LDLRAD3: variants seen among roughly 807,000 people sequenced by gnomAD.
The protein encoded by LDLRAD3 is low density lipoprotein receptor class A domain containing 3, also known as low-density lipoprotein receptor class A domain-containing protein 3.
LDLRAD3 carries 20 observed loss-of-function variants against 29.4 expected under a neutral mutation model. The observed-to-expected ratio is 0.68, with a 90% CI of 0.48 to 0.99. The LOEUF (loss-of-function observed/expected upper bound fraction) is 0.99. Ranked by LOEUF, LDLRAD3 falls within the 50% of genes least tolerant of loss-of-function variation. The pLI is 0.00. For synonymous variants in LDLRAD3, 157 were observed against 192.7 expected, an observed-to-expected ratio of 0.81 and a Z score of 1.53; for missense variants, 420 against 454.3, an observed-to-expected ratio of 0.92 and a Z score of 0.69.
intron 4 of LDLRAD3, among the ~76,000 whole-genome samples, chr11:36,139,768 A>G (rs1854053808): frequency 6.6e-6 from 1 of 152,094 alleles, no homozygotes; most frequent in African/African-American, 2.4e-5. Context: ...TCTCCAGGAG[A>G]CGAGGGTGAA....
intron 4 of LDLRAD3, among the ~76,000 whole-genome samples, chr11:36,188,880 T>C (rs1305983051): frequency 6.6e-6 from 1 of 152,056 alleles, no homozygotes; most frequent in Admixed American, 6.6e-5. Flanking sequence ...TTTATAAAAG[T>C]CTTCTTTGGG....
chr11:36,109,382 A>G (rs1853575806), intron 4 of LDLRAD3, among the ~76,000 whole-genome samples: 1 of 151,452 alleles, frequency 6.6e-6, no homozygotes, highest in Non-Finnish European at 1.5e-5. Context: ...CAGTGGGAAC[A>G]TATGGGGGAT....
At chr11:36,164,339 C>T (rs1370448729) in intron 4 of LDLRAD3, among the ~76,000 whole-genome samples, 2 of 152,220 alleles carry the variant, frequency 1.3e-5, no homozygotes, top group Non-Finnish European at 2.9e-5. Context: ...GAGTCAGCCA[C>T]TTAGAACATT....
At chr11:36,168,618 T>C (rs910495511) in intron 4 of LDLRAD3, among the ~76,000 whole-genome samples, 3 of 150,758 alleles carry the variant, frequency 2.0e-5, no homozygotes, top group Non-Finnish European at 4.4e-5. Context: ...TTGTGATCAA[T>C]AGGGTAGCCT....
intron 4 of LDLRAD3, among the ~76,000 whole-genome samples, chr11:36,143,928 C>T (rs1207310880): frequency 3.2e-5 from 4 of 125,968 alleles, no homozygotes; most frequent in Admixed American, 1.6e-4. Context: ...CTCTCCCCCT[C>T]CCCCTCCCCC....
chr11:35,996,967 A>G (rs548574012), intron 1 of LDLRAD3, among the ~76,000 whole-genome samples: 40 of 152,270 alleles, frequency 2.6e-4, no homozygotes, highest in Non-Finnish European at 2.2e-4. Flanking sequence ...CTTTGGGAAT[A>G]TAGTGTCTGC....
At chr11:36,042,211 A>G (rs1477034490) in intron 2 of LDLRAD3, among the ~76,000 whole-genome samples, 1 of 152,032 alleles carries the variant, frequency 6.6e-6, no homozygotes, top group Non-Finnish European at 1.5e-5. Flanking sequence ...GTGGTGCCAC[A>G]TATATTTTCT....
intron 1 of LDLRAD3, among the ~76,000 whole-genome samples, chr11:35,984,631 TTTTG>T (rs540050231): frequency 5.9e-5 from 9 of 152,228 alleles, no homozygotes; most frequent in African/African-American, 2.2e-4. Context: ...TCATTGTTCT[TTTTG>T]TTTGTTTGTT....
At chr11:36,180,194 A>G (rs754028117) in intron 4 of LDLRAD3, among the ~76,000 whole-genome samples, 26 of 152,018 alleles carry the variant, frequency 1.7e-4, no homozygotes, top group African/African-American at 6.0e-4. Flanking sequence ...GGTCTCTTCC[A>G]TCCTAAGTCA....
rs554107428 is a variant in LDLRAD3, at chr11:36,189,500, A to G, written c.455-37585A>G. Among the ~76,000 whole-genome samples, 5 of 152,062 alleles carry G rather than the reference A, an allele frequency of 3.3e-5. No individual in the cohort carries two copies. In the South Asian group the frequency reaches 1.0e-3, roughly 32 times the overall value. On this transcript the variant is annotated intron_variant, in intron 4 of 5. Coordinates refer to ENST00000315571, the MANE Select transcript of LDLRAD3 (RefSeq NM_174902.4). The stretch of plus-strand genomic sequence containing the variant: ...CTCCATCTCAAAAAATGAAGAAGAA[A>G]AAAAAAACCCTTGTCCTTTAGCTAT...
intron 4 of LDLRAD3, among the ~76,000 whole-genome samples, chr11:36,178,626 C>T (rs1481357116): frequency 6.6e-6 from 1 of 152,146 alleles, no homozygotes; most frequent in Non-Finnish European, 1.5e-5. Context: ...TGATCATTAC[C>T]CAAAAAGATC....
intron 4 of LDLRAD3, among the ~76,000 whole-genome samples, chr11:36,215,505 G>C (rs749593576): frequency 2.0e-5 from 3 of 152,188 alleles, no homozygotes; most frequent in Non-Finnish European, 4.4e-5. Context: ...TGAGGCTGGT[G>C]TGCAGAGTCC....
chr11:36,106,525 C>A (rs140981451), intron 4 of LDLRAD3, among the ~76,000 whole-genome samples: 1 of 152,242 alleles, frequency 6.6e-6, no homozygotes, highest in Non-Finnish European at 1.5e-5. Context: ...CAAATAGATA[C>A]CTCAAATAAA....
chr11:35,962,227 G>A (rs1851286345), intron 1 of LDLRAD3, among the ~76,000 whole-genome samples: 1 of 151,990 alleles, frequency 6.6e-6, no homozygotes, highest in Non-Finnish European at 1.5e-5. Flanking sequence ...CGTTTTTGGA[G>A]TTTGAACTTG....
At chr11:36,215,927 A>G (rs1855346722) in intron 4 of LDLRAD3, among the ~76,000 whole-genome samples, 1 of 152,158 alleles carries the variant, frequency 6.6e-6, no homozygotes, top group Non-Finnish European at 1.5e-5. Context: ...GATCCCAAGA[A>G]CAGAACCAGG....
At chr11:36,138,573 G>C (rs1854035556) in intron 4 of LDLRAD3, among the ~76,000 whole-genome samples, 1 of 152,124 alleles carries the variant, frequency 6.6e-6, no homozygotes, top group South Asian at 2.1e-4. Context: ...TCAGAGGCTT[G>C]GTTTGGCAGT....
chr11:36,050,181 G>A (rs143705093), intron 2 of LDLRAD3, among the ~76,000 whole-genome samples: 271 of 152,280 alleles, frequency 1.8e-3, no homozygotes, highest in African/African-American at 6.0e-3. Context: ...TGGTAAGGAG[G>A]TTTCCATGAT....
chr11:36,189,041 T>C (rs890315560), intron 4 of LDLRAD3, among the ~76,000 whole-genome samples: 1 of 152,168 alleles, frequency 6.6e-6, no homozygotes, highest in Non-Finnish European at 1.5e-5. Flanking sequence ...TTTCACTCAT[T>C]GAAATTGTAC....
At chr11:36,196,078 C>T (rs1855029028) in intron 4 of LDLRAD3, among the ~76,000 whole-genome samples, 1 of 151,044 alleles carries the variant, frequency 6.6e-6, no homozygotes, top group African/African-American at 2.4e-5. Flanking sequence ...CTAATTAAAT[C>T]CTGACAGACT....
Sources: gnomAD v4.1 joint callset for allele counts (sites outside exome capture counted in the v4.1 genomes callset) on GRCh38, gnomAD v4.1.1 for gene constraint, MANE v1.5 for transcripts, NCBI Gene and HGNC (gene_info 2026-07-23, HGNC 2026-07-21) for gene names.